The following MSI2 variants were observed in gnomAD, a reference collection of about 807,000 sequenced individuals.
MSI2 encodes the protein RNA-binding protein Musashi homolog 2.
Under a neutral mutation model 45.6 loss-of-function variants are expected in MSI2, and 17 were observed. The ratio of observed to expected loss-of-function variants is 0.37; its 90% CI spans 0.26 to 0.56. The LOEUF (loss-of-function observed/expected upper bound fraction) is 0.56, where lower values mean the gene tolerates loss of function less well. Among genes scored for constraint, MSI2 ranks in the 20% least tolerant of loss-of-function variants. MSI2 has a pLI of 0.77. For synonymous variants in MSI2, 156 were observed against 158.2 expected (o/e 0.99, Z 0.11); for missense variants, 293 against 444.2 (o/e 0.66, Z 3.06).
intron 5 of MSI2, among the ~76,000 whole-genome samples, chr17:57,329,808 G>C (rs1282091174): frequency 6.6e-6 from 1 of 152,148 alleles, no homozygotes; most frequent in African/African-American, 2.4e-5. Flanking sequence ...TTGCAGAACG[G>C]ACACAGAGGC....
intron 5 of MSI2, among the ~76,000 whole-genome samples, chr17:57,337,887 A>T (rs890502770): frequency 5.9e-5 from 9 of 152,216 alleles, no homozygotes; most frequent in African/African-American, 9.6e-5. Context: ...AAAAGAACCC[A>T]GAATTAGAAT....
chr17:57,511,357 T>A (rs2086350768), intron 6 of MSI2, among the ~76,000 whole-genome samples: 1 of 152,092 alleles, frequency 6.6e-6, no homozygotes, highest in African/African-American at 2.4e-5. Flanking sequence ...CCCGCTCAAA[T>A]ATATTGAGTA....
At chr17:57,471,301 T>C (rs1288187746) in intron 6 of MSI2, among the ~76,000 whole-genome samples, 6 of 56,646 alleles carry the variant, frequency 1.1e-4, no homozygotes, top group African/African-American at 1.6e-4. Context: ...TTTTTTTTTT[T>C]TTTTTTTCAG....
At chr17:57,502,668 G>A (rs1263916305) in intron 6 of MSI2, among the ~76,000 whole-genome samples, 1 of 131,580 alleles carries the variant, frequency 7.6e-6, no homozygotes, top group Non-Finnish European at 1.6e-5. Context: ...GAAGGTCTGG[G>A]CTCTAGATTT....
At chr17:57,609,060 C>A (rs1391764157) in intron 8 of MSI2, among the ~76,000 whole-genome samples, 1 of 152,156 alleles carries the variant, frequency 6.6e-6, no homozygotes, top group Non-Finnish European at 1.5e-5. Flanking sequence ...ATGTGTGTAG[C>A]TGTCAGGCTC....
chr17:57,673,183 C>T (rs1185959139), intron 11 of MSI2, among the ~76,000 whole-genome samples: 1 of 152,186 alleles, frequency 6.6e-6, no homozygotes, highest in Non-Finnish European at 1.5e-5. Context: ...CAGTCTCCTG[C>T]TAGTGTGCCT....
intron 7 of MSI2, among the ~76,000 whole-genome samples, chr17:57,534,849 C>A (rs2144091685): frequency 6.6e-6 from 1 of 152,350 alleles, no homozygotes; most frequent in Admixed American, 6.5e-5. Context: ...AGAGTCACTT[C>A]ATTTGCTGTC....
chr17:57,457,729 T>C (rs1306716156), intron 6 of MSI2, among the ~76,000 whole-genome samples: 3 of 151,734 alleles, frequency 2.0e-5, no homozygotes, highest in Non-Finnish European at 2.9e-5. Context: ...ACTCTATCTC[T>C]ACAAATAAAA....
chr17:57,497,130 C>T (rs1228884427), intron 6 of MSI2, among the ~76,000 whole-genome samples: 1 of 152,212 alleles, frequency 6.6e-6, no homozygotes, highest in Non-Finnish European at 1.5e-5. Flanking sequence ...GTGCCTGCTA[C>T]CATGCCCAGC....
At chr17:57,471,475 G>A (rs71372803) in intron 6 of MSI2, among the ~76,000 whole-genome samples, 1 of 151,938 alleles carries the variant, frequency 6.6e-6, no homozygotes, top group Non-Finnish European at 1.5e-5. Flanking sequence ...ATTTTTAGTA[G>A]AGATGGGGCT....
At chr17:57,644,201 G>A (rs1320457410) in intron 10 of MSI2, among the ~76,000 whole-genome samples, 2 of 149,004 alleles carry the variant, frequency 1.3e-5, no homozygotes, top group South Asian at 2.1e-4. Flanking sequence ...TGCCAAGGAC[G>A]CCAGGGTAAG....
At chr17:57,323,347 A>G (rs1257185730) in intron 5 of MSI2, among the ~76,000 whole-genome samples, 1 of 152,186 alleles carries the variant, frequency 6.6e-6, no homozygotes, top group Non-Finnish European at 1.5e-5. Context: ...CCGTTTTCCC[A>G]TGGACTTCTG....
At chr17:57,286,320 T>C (rs1360898322) in intron 5 of MSI2, among the ~76,000 whole-genome samples, 1 of 152,006 alleles carries the variant, frequency 6.6e-6, no homozygotes, top group Non-Finnish European at 1.5e-5. Flanking sequence ...TTTAAAAAAA[T>C]GTTTTTAAAG....
chr17:57,273,412 A>G lies in MSI2; in HGVS notation c.312+11220A>G, dbSNP rs1018550209. On this transcript the variant is annotated intron_variant, in intron 5 of 13. Coordinates refer to ENST00000284073, the MANE Select transcript of MSI2 (RefSeq NM_138962.4). ...TTTGATCATTGTTTTTCCCTGCAGT[A>G]CACGATGTTCAGGTTAATGTCCATA... 3.4e-4 allele frequency among the ~76,000 whole-genome samples: 51 copies of G among 151,992 alleles called. 1 individual carries two copies. Among genetic ancestry groups the G allele is most frequent in the Non-Finnish European group, 7.3e-5 (5 of 68,032 alleles).
chr17:57,262,096 A>G (rs1280193257), intron 4 of MSI2, 55 bp from the exon 5 acceptor site: 1 of 1,550,974 alleles, frequency 6.4e-7, no homozygotes, highest in South Asian at 1.1e-5. Flanking sequence ...GATTAATCAT[A>G]TATTTTTTCC....
At chr17:57,418,101 G>T (rs1014563128) in intron 6 of MSI2, among the ~76,000 whole-genome samples, 1 of 152,146 alleles carries the variant, frequency 6.6e-6, no homozygotes, top group Non-Finnish European at 1.5e-5. Context: ...CTGCTACTCG[G>T]TTCTGCTGTT....
intron 5 of MSI2, chr17:57,279,083 T>A (rs934573288): frequency 6.6e-6 from 1 of 152,158 alleles, no homozygotes; most frequent in Non-Finnish European, 1.5e-5. Flanking sequence ...ATTATATTGT[T>A]ACTCTCTGGA....
intron 7 of MSI2, among the ~76,000 whole-genome samples, chr17:57,567,825 A>G (rs890103313): frequency 3.9e-5 from 6 of 152,210 alleles, no homozygotes; most frequent in Non-Finnish European, 2.9e-5. Context: ...TTCTCTGTCT[A>G]CAGTTACAAC....
intron 6 of MSI2, among the ~76,000 whole-genome samples, chr17:57,440,427 T>TGTGTGTGTGTGTGTGTGTGTGG (rs2084777536): frequency 6.9e-6 from 1 of 144,132 alleles, no homozygotes; most frequent in East Asian, 2.0e-4. Flanking sequence ...TGTGTGTGTG[T>TGTGTGTGTGTGTGTGTGTGTGG]GTGTGTGTGT....
Sources: allele counts gnomAD v4.1 joint callset (sites outside exome capture counted in the v4.1 genomes callset), GRCh38; gene constraint gnomAD v4.1.1; transcripts MANE v1.5; gene names NCBI Gene and HGNC (gene_info 2026-07-23, HGNC 2026-07-21).